TMEM87A: variants seen among roughly 807,000 people sequenced by gnomAD.
TMEM87A encodes the protein transmembrane protein 87A.
TMEM87A carries 50 observed loss-of-function variants against 90.0 expected under a neutral mutation model. That is an observed-to-expected ratio of 0.56 (90% CI 0.44 to 0.70). TMEM87A has a LOEUF of 0.70. Among genes scored for constraint, TMEM87A ranks in the 30% least tolerant of loss-of-function variants. The pLI is 0.00. For missense variants in TMEM87A, 577 were observed against 660.5 expected, an observed-to-expected ratio of 0.87 and a Z score of 1.39; for synonymous variants, 226 against 226.7, an observed-to-expected ratio of 1.00 and a Z score of 0.03.
intron 7 of TMEM87A, among the ~76,000 whole-genome samples, chr15:42,243,183 G>C (rs1375652840): frequency 6.6e-6 from 1 of 151,978 alleles, no homozygotes; most frequent in Non-Finnish European, 1.5e-5. Flanking sequence ...CAGGAGAATG[G>C]CGTGAACCCA....
At chr15:42,266,629 G>A (rs2051410441) in intron 3 of TMEM87A, among the ~76,000 whole-genome samples, 1 of 152,076 alleles carries the variant, frequency 6.6e-6, no homozygotes, top group Non-Finnish European at 1.5e-5. Context: ...TAAGGCAGTG[G>A]CATTTAATTC....
At chr15:42,250,058 GTC>G (rs1185095232) in intron 6 of TMEM87A, among the ~76,000 whole-genome samples, 1 of 152,154 alleles carries the variant, frequency 6.6e-6, no homozygotes, top group Non-Finnish European at 1.5e-5. Context: ...TTGGTTTAAA[GTC>G]TGTTTTATCA....
chr15:42,273,522 T>C (rs1324188127), upstream of TMEM87A: 10 of 1,478,378 alleles, frequency 6.8e-6, no homozygotes, highest in East Asian at 9.7e-5. Flanking sequence ...GCTTGTTTGC[T>C]GTGCGGCGTA....
chr15:42,233,811 C>T (rs926811619), intron 10 of TMEM87A, among the ~76,000 whole-genome samples: 8 of 152,148 alleles, frequency 5.3e-5, no homozygotes, highest in Non-Finnish European at 8.8e-5. Flanking sequence ...GGGTCTCACT[C>T]TATCGCCCAC....
intron 10 of TMEM87A, among the ~76,000 whole-genome samples, chr15:42,233,967 A>G (rs1459092982): frequency 1.3e-5 from 2 of 149,560 alleles, no homozygotes; most frequent in Non-Finnish European, 3.0e-5. Context: ...TGTTTTGTAG[A>G]GACAAGGTCT....
At chr15:42,246,231 T>G (rs1373210837) in intron 6 of TMEM87A, among the ~76,000 whole-genome samples, 1 of 152,226 alleles carries the variant, frequency 6.6e-6, no homozygotes, top group Non-Finnish European at 1.5e-5. Flanking sequence ...TCTTTTTGAG[T>G]TGAAGGAATT....
intron 1 of TMEM87A, 40 bp from the exon 2 acceptor site, chr15:42,272,163 T>C: frequency 6.9e-7 from 1 of 1,449,542 alleles, no homozygotes; most frequent in South Asian, 1.2e-5. Context: ...TCAGATGGCT[T>C]CAATTACCAA....
rs1057098981 is a variant in TMEM87A at position 42,254,803 on chromosome 15, A to G, written c.504+6155T>C. On this transcript the variant is annotated intron_variant, in intron 6 of 19. Transcript: ENST00000389834. ...AAGATGTCTTTACACATTTATCAAA[A>G]TTCATACAATGTACACTGCAGAGTG... Among the ~76,000 whole-genome samples, 50 of 152,216 alleles carry G rather than the reference A, an allele frequency of 3.3e-4. 1 individual carries two copies. The highest frequency in any genetic ancestry group is 9.2e-4 in the Admixed American group (14 of 15,274).
At chr15:42,253,244 G>A (rs2051117534) in intron 6 of TMEM87A, among the ~76,000 whole-genome samples, 1 of 152,148 alleles carries the variant, frequency 6.6e-6, no homozygotes, top group Non-Finnish European at 1.5e-5. Flanking sequence ...GGTCATCTAA[G>A]GTCTTTTCTG....
intron 3 of TMEM87A, among the ~76,000 whole-genome samples, chr15:42,266,913 TG>T (rs1284637341): frequency 6.6e-6 from 1 of 152,202 alleles, no homozygotes; most frequent in Non-Finnish European, 1.5e-5. Flanking sequence ...CTTGAAAGAA[TG>T]ACTGAAAAAC....
chr15:42,226,188 C>G (rs1481206939), intron 15 of TMEM87A, among the ~76,000 whole-genome samples: 2 of 151,948 alleles, frequency 1.3e-5, no homozygotes, highest in Non-Finnish European at 2.9e-5. Context: ...TTAGTAGAGA[C>G]GGGGTTCCGC....
chr15:42,252,274 G>A (rs1471970696), intron 6 of TMEM87A, among the ~76,000 whole-genome samples: 1 of 152,152 alleles, frequency 6.6e-6, no homozygotes, highest in Non-Finnish European at 1.5e-5. Flanking sequence ...ACCATTCCCA[G>A]TGAGATGAGC....
At chr15:42,237,370 A>T in intron 9 of TMEM87A, 62 bp downstream of exon 9, 1 of 1,545,120 alleles carries the variant, frequency 6.5e-7, no homozygotes, top group Non-Finnish European at 8.8e-7. Flanking sequence ...TGACCTTAGG[A>T]ATATTTTCAT....
chr15:42,231,372 C>A, intron 11 of TMEM87A, 112 bp from the exon 12 acceptor site: 1 of 764,284 alleles, frequency 1.3e-6, no homozygotes, highest in Middle Eastern at 2.4e-4. Flanking sequence ...TTGCATTGAA[C>A]TGAAAGAAAA....
intron 6 of TMEM87A, among the ~76,000 whole-genome samples, chr15:42,245,776 C>T (rs1489538731): frequency 1.3e-5 from 2 of 152,044 alleles, no homozygotes; most frequent in African/African-American, 4.8e-5. Flanking sequence ...AGGTGATCCA[C>T]CCACCTTGGC....
intron 6 of TMEM87A, among the ~76,000 whole-genome samples, chr15:42,256,116 T>C (rs1595740814): frequency 6.6e-6 from 1 of 151,976 alleles, no homozygotes; most frequent in South Asian, 2.1e-4. Flanking sequence ...TTTAATGAAA[T>C]AGGATGGAGG....
intron 7 of TMEM87A, among the ~76,000 whole-genome samples, chr15:42,240,644 T>C (rs1438663275): frequency 6.6e-6 from 1 of 152,234 alleles, no homozygotes; most frequent in Admixed American, 6.5e-5. Flanking sequence ...TATTATTGTA[T>C]TGATAAAATA....
chr15:42,270,963 T>A (rs780959311), intron 2 of TMEM87A, among the ~76,000 whole-genome samples: 3 of 152,180 alleles, frequency 2.0e-5, no homozygotes, highest in Non-Finnish European at 2.9e-5. Flanking sequence ...ACTAAACAAT[T>A]GAAAAGAATA....
intron 9 of TMEM87A, among the ~76,000 whole-genome samples, chr15:42,236,626 C>T (rs1595722809): frequency 6.6e-6 from 1 of 152,162 alleles, no homozygotes; most frequent in South Asian, 2.1e-4. Context: ...AATCTGGGTG[C>T]GCTCAACTCA....
Sources: gnomAD v4.1 joint callset for allele counts (sites outside exome capture counted in the v4.1 genomes callset) on GRCh38, gnomAD v4.1.1 for gene constraint, MANE v1.5 for transcripts, NCBI Gene and HGNC (gene_info 2026-07-23, HGNC 2026-07-21) for gene names.